The following RPS6KA2 variants were observed in gnomAD, a reference collection of about 807,000 sequenced individuals.
RPS6KA2 encodes the protein ribosomal protein S6 kinase alpha-2.
RPS6KA2 carries 42 observed loss-of-function variants against 91.8 expected under a neutral mutation model. The observed-to-expected ratio is 0.46, with a 90% CI of 0.36 to 0.59. RPS6KA2 has a LOEUF of 0.59. RPS6KA2 is among the 20% of genes least tolerant of loss of function. The pLI is 0.00. For missense variants in RPS6KA2, 798 were observed against 978.5 expected (o/e 0.82, Z 2.46); for synonymous variants, 414 against 393.6 (o/e 1.05, Z -0.61).
intron 2 of RPS6KA2, among the ~76,000 whole-genome samples, chr6:166,773,863 G>T (rs1050156497): frequency 5.3e-5 from 8 of 152,214 alleles, no homozygotes; most frequent in African/African-American, 1.9e-4. Flanking sequence ...TTGTGCAAAT[G>T]ATCGTCCTCC....
At chr6:166,576,383 C>T (rs774156243) in intron 1 of RPS6KA2, among the ~76,000 whole-genome samples, 17 of 152,148 alleles carry the variant, frequency 1.1e-4, no homozygotes, top group Admixed American at 2.0e-4. Flanking sequence ...GACAGGAAAA[C>T]GTGGGAAAGT....
intron 2 of RPS6KA2, among the ~76,000 whole-genome samples, chr6:166,651,889 G>A (rs937213038): frequency 2.6e-5 from 4 of 152,234 alleles, no homozygotes; most frequent in African/African-American, 9.6e-5. Flanking sequence ...AGGTGCACAC[G>A]CACTGTGGAC....
chr6:166,451,919 GA>G (rs953212833), intron 12 of RPS6KA2, among the ~76,000 whole-genome samples: 32 of 152,016 alleles, frequency 2.1e-4, no homozygotes, highest in Non-Finnish European at 3.5e-4. Flanking sequence ...CCCTCGTGGG[GA>G]AAAAAAATCT....
exon 2 of RPS6KA2, chr6:166,858,243 A>C: frequency 6.5e-7 from 1 of 1,543,706 alleles, no homozygotes; most frequent in Non-Finnish European, 9.0e-7. Context: ...ATCCAGGTTG[A>C]GATCCTCCTC....
intron 12 of RPS6KA2, among the ~76,000 whole-genome samples, chr6:166,456,929 T>G (rs1277725356): frequency 1.3e-5 from 2 of 152,192 alleles, no homozygotes; most frequent in Non-Finnish European, 2.9e-5. Flanking sequence ...AGGCTATTAT[T>G]AAAATACAAT....
At chr6:166,559,544 A>G (rs777311687) in intron 1 of RPS6KA2, among the ~76,000 whole-genome samples, 3 of 152,206 alleles carry the variant, frequency 2.0e-5, no homozygotes, top group Admixed American at 2.0e-4. Flanking sequence ...TTACTGTATC[A>G]TATGTCCAAA....
In RPS6KA2 at chr6:166,508,462, A is replaced by G. The variant is rs1349327128; in HGVS notation, c.380-180T>C. 2.9e-5 allele frequency among the ~76,000 whole-genome samples: 2 copies of G among 68,542 alleles called. No homozygotes were observed. The highest frequency in any genetic ancestry group is 8.8e-5 in the African/African-American group (2 of 22,604). 45.0% of individuals were successfully genotyped at this position (68,542 alleles called of 152,430 possible). ...CAGCACCCGGCAGAGGGGGTCTGAC[A>G]CTGTGAGCGCTGCCCCTCTCTCACT... On this transcript the variant is annotated intron_variant, in intron 4 of 20. Transcript: ENST00000265678. The surrounding 1 kb of genome is among the most constrained non-coding windows in gnomAD (Gnocchi z 4.3).
At chr6:166,475,345 G>T (rs553097942) in intron 10 of RPS6KA2, among the ~76,000 whole-genome samples, 1 of 152,134 alleles carries the variant, frequency 6.6e-6, no homozygotes, top group Non-Finnish European at 1.5e-5. Flanking sequence ...AGCGTGGCCC[G>T]GCCCCTGGCT....
At chr6:166,575,299 T>C (rs1340695654) in intron 1 of RPS6KA2, among the ~76,000 whole-genome samples, 6 of 152,218 alleles carry the variant, frequency 3.9e-5, no homozygotes, top group Non-Finnish European at 8.8e-5. Flanking sequence ...TGATCCGGGC[T>C]CAGGGAGTAC....
At chr6:166,724,971 C>G (rs990296827) in intron 2 of RPS6KA2, among the ~76,000 whole-genome samples, 1 of 152,200 alleles carries the variant, frequency 6.6e-6, no homozygotes, top group Non-Finnish European at 1.5e-5. Context: ...GAAATGCTCT[C>G]TACTAACTCT....
intron 2 of RPS6KA2, among the ~76,000 whole-genome samples, chr6:166,847,832 C>T (rs547238355): frequency 4.3e-4 from 66 of 152,240 alleles, no homozygotes; most frequent in Non-Finnish European, 6.9e-4. Context: ...TGGAAAAACC[C>T]TTCTAGACAT....
chr6:166,541,018 A>C (rs769391115), intron 1 of RPS6KA2, among the ~76,000 whole-genome samples: 2 of 152,238 alleles, frequency 1.3e-5, no homozygotes, highest in Non-Finnish European at 2.9e-5. Flanking sequence ...TTACTAAAAC[A>C]CTGTCCTCGC....
At chr6:166,743,034 A>G (rs962935598) in intron 2 of RPS6KA2, among the ~76,000 whole-genome samples, 3 of 152,166 alleles carry the variant, frequency 2.0e-5, no homozygotes, top group African/African-American at 7.2e-5. Flanking sequence ...CCCCAAAGAC[A>G]CTCTGGTAAC....
At chr6:166,630,916 A>G (rs1263121554), upstream of RPS6KA2, among the ~76,000 whole-genome samples, 1 of 152,260 alleles carries the variant, frequency 6.6e-6, no homozygotes, top group Non-Finnish European at 1.5e-5. Flanking sequence ...TGTAGTGGAC[A>G]GTTCAGGTGG....
At chr6:166,651,019 C>T (rs1397124967) in intron 2 of RPS6KA2, among the ~76,000 whole-genome samples, 3 of 152,186 alleles carry the variant, frequency 2.0e-5, no homozygotes, top group Non-Finnish European at 4.4e-5. Flanking sequence ...CAAGGACCTG[C>T]CCCGTGATGT....
intron 1 of RPS6KA2, among the ~76,000 whole-genome samples, chr6:166,551,813 A>C (rs1189480298): frequency 6.6e-6 from 1 of 152,226 alleles, no homozygotes; most frequent in Admixed American, 6.5e-5. Context: ...GGCACAGAAC[A>C]ATAACTTGAA....
chr6:166,638,539 G>A lies in RPS6KA2; in HGVS notation c.124-99755C>T, dbSNP rs769366882. Among the ~76,000 whole-genome samples the A allele has an allele frequency of 3.3e-5, 5 of 152,222 alleles. No individual in the cohort carries two copies. In the East Asian group the frequency reaches 9.6e-4, roughly 29 times the overall value. ...GCAAATTAGATGTAGCTGGAGACAGGCGAAAGACGGATCTAAAAACGACCG... is the reference window on the plus strand; with the variant it reads ...GCAAATTAGATGTAGCTGGAGACAGACGAAAGACGGATCTAAAAACGACCG... On this transcript the variant is annotated intron_variant, in intron 2 of 21. Coordinates refer to the RPS6KA2 transcript ENST00000503859.
At chr6:166,857,055 T>C (rs1436879307) in intron 2 of RPS6KA2, among the ~76,000 whole-genome samples, 1 of 152,170 alleles carries the variant, frequency 6.6e-6, no homozygotes, top group Non-Finnish European at 1.5e-5. Flanking sequence ...CTGAATGCCA[T>C]TTTTCTTTAT....
intron 1 of RPS6KA2, among the ~76,000 whole-genome samples, chr6:166,575,278 G>A (rs767663675): frequency 6.6e-6 from 1 of 152,176 alleles, no homozygotes; most frequent in Non-Finnish European, 1.5e-5. Context: ...AGCATAACAC[G>A]AGGCTATGTG....
Sources: gnomAD v4.1 joint callset for allele counts (sites outside exome capture counted in the v4.1 genomes callset) on GRCh38, gnomAD v4.1.1 for gene constraint, Gnocchi (gnomAD v3.1) non-coding constraint, MANE v1.5 for transcripts, NCBI Gene and HGNC (gene_info 2026-07-23, HGNC 2026-07-21) for gene names.